Variants in PCSK2 observed in about 807,000 individuals in gnomAD.
PCSK2 encodes the protein proprotein convertase subtilisin/kexin type 2.
In PCSK2, 14 loss-of-function variants were observed where a neutral mutation model predicts 69.7. That is an observed-to-expected ratio of 0.20 (90% CI 0.13 to 0.31). The LOEUF (loss-of-function observed/expected upper bound fraction) is 0.31. Ranked by LOEUF, PCSK2 falls within the 10% of genes least tolerant of loss-of-function variation. PCSK2 has a pLI of 1.00. For synonymous variants in PCSK2, 307 were observed against 320.7 expected (o/e 0.96, Z 0.46); for missense variants, 544 against 842.5 (o/e 0.65, Z 4.39).
intron 10 of PCSK2, among the ~76,000 whole-genome samples, chr20:17,460,788 ATTTAC>A (rs1291305977): frequency 1.3e-5 from 2 of 152,210 alleles, no homozygotes; most frequent in African/African-American, 4.8e-5. Context: ...TAGTAATCTA[ATTTAC>A]TTTAACTTCT....
chr20:17,431,819 CCT>C (rs2032373321), intron 7 of PCSK2, among the ~76,000 whole-genome samples: 1 of 152,208 alleles, frequency 6.6e-6, no homozygotes, highest in Non-Finnish European at 1.5e-5. Context: ...TTTTATTCAT[CCT>C]GGCTGGCAAT....
At chr20:17,340,981 G>A (rs1471358861) in intron 2 of PCSK2, among the ~76,000 whole-genome samples, 1 of 152,190 alleles carries the variant, frequency 6.6e-6, no homozygotes. Flanking sequence ...CGGGCGCAGT[G>A]GCTCATACCT....
intron 4 of PCSK2, among the ~76,000 whole-genome samples, chr20:17,365,517 T>C (rs1440547138): frequency 6.6e-6 from 1 of 152,118 alleles, no homozygotes; most frequent in Non-Finnish European, 1.5e-5. Flanking sequence ...GCCCCAAAAG[T>C]CTTGATTTGT....
At chr20:17,237,549 G>A (rs1022836117) in intron 1 of PCSK2, among the ~76,000 whole-genome samples, 1 of 151,854 alleles carries the variant, frequency 6.6e-6, no homozygotes, top group Non-Finnish European at 1.5e-5. Context: ...GGAGGAGAGA[G>A]TTAAGAAGGA....
At chr20:17,369,413 C>T (rs921932850) in intron 5 of PCSK2, 136 bp downstream of exon 5, 1 of 733,304 alleles carries the variant, frequency 1.4e-6, no homozygotes, top group Non-Finnish European at 2.5e-6. Context: ...CACACACACA[C>T]ACAGGAGTAC....
At chr20:17,365,823 C>T (rs2030569923) in intron 4 of PCSK2, among the ~76,000 whole-genome samples, 1 of 152,226 alleles carries the variant, frequency 6.6e-6, no homozygotes, top group Non-Finnish European at 1.5e-5. Flanking sequence ...TTTTCTGACT[C>T]TATGTCCCAC....
intron 5 of PCSK2, among the ~76,000 whole-genome samples, chr20:17,397,627 C>T (rs1449901595): frequency 6.6e-6 from 1 of 151,970 alleles, no homozygotes; most frequent in East Asian, 1.9e-4. Flanking sequence ...TACAGGTGCC[C>T]GCCACCATGC....
intron 1 of PCSK2, among the ~76,000 whole-genome samples, chr20:17,232,356 T>G (rs1051768763): frequency 6.6e-5 from 10 of 152,218 alleles, no homozygotes; most frequent in African/African-American, 2.4e-4. Context: ...TTTACATCTG[T>G]TTTCTTTTAG....
rs1462616504 is a variant in PCSK2 at position 17,482,995 on chromosome 20, C to T, written c.*925C>T. 2 of 151,466 alleles carry T rather than the reference C, an allele frequency of 1.3e-5. No homozygotes were observed. Among genetic ancestry groups the T allele is most frequent in the East Asian group, 3.9e-4 (2 of 5,162 alleles). The allele number at this position is 151,466 out of a possible 1,614,324, so 9.4% of individuals were successfully genotyped here. A position where few individuals can be genotyped will look rare whatever the true frequency, so the allele number is the denominator to read the frequency against. On this transcript the variant is annotated 3_prime_UTR_variant, in exon 12 of 12. Transcript: ENST00000262545. ...CTTTTCCTAAGTCACTTTGAGGTGT[C>T]TCAATCTGATCTGAGTGAGAGGCGA...
chr20:17,442,142 A>G (rs537305225), intron 8 of PCSK2, among the ~76,000 whole-genome samples: 1 of 152,036 alleles, frequency 6.6e-6, no homozygotes, highest in Admixed American at 6.5e-5. Flanking sequence ...GAGATGGCCA[A>G]CAGCCCACCG....
chr20:17,412,774 C>A (rs1480689882), intron 6 of PCSK2, among the ~76,000 whole-genome samples: 3 of 152,122 alleles, frequency 2.0e-5, no homozygotes, highest in African/African-American at 7.2e-5. Flanking sequence ...TTAAGGGTAG[C>A]CAGAGAGAAA....
chr20:17,250,335 G>A (rs1986927239), intron 1 of PCSK2, among the ~76,000 whole-genome samples: 1 of 152,150 alleles, frequency 6.6e-6, no homozygotes, highest in Non-Finnish European at 1.5e-5. Context: ...GGTCAGTTAT[G>A]AGTTTGTCTG....
intron 2 of PCSK2, among the ~76,000 whole-genome samples, chr20:17,342,567 C>T (rs956263080): frequency 1.3e-5 from 2 of 152,120 alleles, no homozygotes; most frequent in Admixed American, 6.5e-5. Context: ...CTCCACCTGC[C>T]TCAGCCTTCC....
At chr20:17,428,173 A>G (rs2032286733) in intron 6 of PCSK2, among the ~76,000 whole-genome samples, 1 of 152,182 alleles carries the variant, frequency 6.6e-6, no homozygotes, top group Admixed American at 6.5e-5. Context: ...GACTTATTTA[A>G]TATCTTTACT....
intron 1 of PCSK2, among the ~76,000 whole-genome samples, chr20:17,234,531 T>C (rs1254900718): frequency 1.3e-5 from 2 of 152,202 alleles, no homozygotes; most frequent in Admixed American, 6.5e-5. Context: ...CTGGCATGCT[T>C]CTTTGTTTCT....
chr20:17,418,961 A>G (rs1364238849), intron 6 of PCSK2, among the ~76,000 whole-genome samples: 4 of 152,236 alleles, frequency 2.6e-5, no homozygotes, highest in African/African-American at 7.2e-5. Context: ...CTTCACAGGA[A>G]AAGGCAGCGG....
At chr20:17,463,106 G>A (rs151117709) in intron 10 of PCSK2, among the ~76,000 whole-genome samples, 41 of 150,770 alleles carry the variant, frequency 2.7e-4, no homozygotes, top group African/African-American at 9.3e-4. Flanking sequence ...AAAGTTCCTT[G>A]TTCTGAAACA....
intron 10 of PCSK2, chr20:17,464,517 G>A (rs2123399821): frequency 6.6e-6 from 1 of 152,222 alleles, no homozygotes; most frequent in Admixed American, 6.5e-5. Flanking sequence ...CAGATGAAGG[G>A]ACAGCAAGAC....
At chr20:17,254,199 T>A (rs976805813) in intron 1 of PCSK2, among the ~76,000 whole-genome samples, 2 of 152,214 alleles carry the variant, frequency 1.3e-5, no homozygotes, top group Admixed American at 1.3e-4. Flanking sequence ...GAAGTACAAA[T>A]ATTCTTAATT....
Sources: gnomAD v4.1 joint callset for allele counts (sites outside exome capture counted in the v4.1 genomes callset) on GRCh38, gnomAD v4.1.1 for gene constraint, MANE v1.5 for transcripts, NCBI Gene and HGNC (gene_info 2026-07-23, HGNC 2026-07-21) for gene names.